Variants in ZBTB21 observed in about 807,000 individuals in gnomAD.
ZBTB21 encodes zinc finger and BTB domain containing 21, also known as zinc finger and BTB domain-containing protein 21.
Under a neutral mutation model 39.8 loss-of-function variants are expected in ZBTB21, and 10 were observed. The observed-to-expected ratio is 0.25, with a 90% CI of 0.16 to 0.43. ZBTB21 has a LOEUF of 0.43. Among genes scored for constraint, ZBTB21 ranks in the 20% least tolerant of loss-of-function variants. The probability of loss-of-function intolerance (pLI) is 1.00; values close to 1 mark genes in which losing one functional copy is unlikely to be tolerated. For missense variants in ZBTB21, 1,221 were observed against 1,296.3 expected (o/e 0.94, Z 0.89); for synonymous variants, 551 against 498.8 (o/e 1.10, Z -1.40).
In ZBTB21 at chr21:41,993,273, G is replaced by A. The variant is rs2065696250; in HGVS notation, c.823C>T (p.Pro275Ser). The A allele has an allele frequency of 6.2e-7, 1 of 1,612,400 alleles. No individual in the cohort carries two copies. Among genetic ancestry groups the A allele is most frequent in the East Asian group, 2.2e-5 (1 of 44,890 alleles). ...GKALELALKR[P>S]RPPVLSVCSS... ...CAAACAGACAAAACAGGTGGCCGTG[G>A]TCTCTTCAAAGCCAGCTCTAGAGCT... The change falls in exon 3 of 3, where the codon CCA becomes TCA. Residue 275 changes from proline to serine, a missense_variant. By Grantham distance (74) the Pro-to-Ser change is moderately conservative. Transcript: ENST00000310826.
Position 41,992,126 on chromosome 21 carries a change from A to C in ZBTB21, c.1970T>G (p.Val657Gly), listed in dbSNP as rs777827111. The C allele has an allele frequency of 6.2e-7, 1 of 1,614,078 alleles. No individual in the cohort carries two copies. Among genetic ancestry groups the C allele is most frequent in the Non-Finnish European group, 8.5e-7 (1 of 1,180,010 alleles). The change falls in exon 3 of 3, where the codon GTC (valine) becomes GGC (glycine). Residue 657 changes from valine to glycine, a missense_variant. Coordinates refer to ENST00000310826, the MANE Select transcript of ZBTB21 (RefSeq NM_001098402.2). This position sits in a 1 kb window ranked among gnomAD's most constrained non-coding sequence, Gnocchi z 4.1. ...TCGAGATCTCAAGTTCCTCTTGATG[A>C]CTTGCTGTGCTTGGGAGCTACTCTG... ...QGQSSSQAQQ[V>G]IKRNLRSRAK...
At chr21:41,996,276 G>C (rs1018052440) in intron 2 of ZBTB21, among the ~76,000 whole-genome samples, 1 of 152,240 alleles carries the variant, frequency 6.6e-6, no homozygotes, top group African/African-American at 2.4e-5. Flanking sequence ...AAGCAGCCAG[G>C]AGTGGGGGCT....
At chr21:41,994,892 A>AGTAAGCCTC (rs2065725605) in intron 2 of ZBTB21, among the ~76,000 whole-genome samples, 1 of 152,210 alleles carries the variant, frequency 6.6e-6, no homozygotes, top group Non-Finnish European at 1.5e-5. Context: ...TTCTCATGAT[A>AGTAAGCCTC]GTAAGCCTCA....
Position 41,998,585 on chromosome 21 carries a change from G to A in ZBTB21, c.-14+4312C>T, listed in dbSNP as rs921775294. On this transcript the variant is annotated intron_variant, in intron 2 of 2. Coordinates refer to ENST00000310826, the MANE Select transcript of ZBTB21 (RefSeq NM_001098402.2). ...TGAATCCCAAGTAACTATCTGTGAC[G>A]GTTTTATCTTTCTCTAGCGGGCAAA... 4.6e-5 allele frequency among the ~76,000 whole-genome samples: 7 copies of A among 152,078 alleles called. No homozygotes were observed. In the South Asian group the frequency reaches 6.2e-4, roughly 14 times the overall value.
At chr21:41,995,650 CTAAG>C (rs1211613000) in intron 2 of ZBTB21, among the ~76,000 whole-genome samples, 1 of 152,210 alleles carries the variant, frequency 6.6e-6, no homozygotes, top group Non-Finnish European at 1.5e-5. Context: ...AGGAATTTGC[CTAAG>C]TAAGGAGGAG....
chr21:42,008,471 G>A (rs2065908909), intron 1 of ZBTB21, among the ~76,000 whole-genome samples: 1 of 148,978 alleles, frequency 6.7e-6, no homozygotes, highest in Admixed American at 6.7e-5. Flanking sequence ...AACCAGGGAG[G>A]CGGAGGTTGC....
rs1165385785 is a variant in ZBTB21, at chr21:41,991,547, G to C, written c.2549C>G (p.Ser850Cys). 3 of 1,614,232 alleles carry C rather than the reference G, an allele frequency of 1.9e-6. No homozygotes were observed. Among genetic ancestry groups the C allele is most frequent in the South Asian group, 1.1e-5 (1 of 91,088 alleles). ...CGAGTCGAAGTTAACTTGTTCTGAA[G>C]AATCACTGAACACGTTGTCGTCTTT... ...TTKDDNVFSD[S>C]SEQVNFDSED... The change falls in exon 3 of 3, where the codon TCT (serine) becomes TGT (cysteine). Residue 850 changes from serine (S) to cysteine (C), a missense_variant. Coordinates refer to ENST00000310826, the MANE Select transcript of ZBTB21 (RefSeq NM_001098402.2). This position sits in a 1 kb window ranked among gnomAD's most constrained non-coding sequence, Gnocchi z 4.9.
intron 2 of ZBTB21, chr21:42,002,383 G>GTC (rs1480266783): frequency 6.6e-6 from 1 of 152,146 alleles, no homozygotes. Context: ...CATCAAGAAT[G>GTC]TAAGTAAAAA....
chr21:42,005,806 CCAAACA>C lies in ZBTB21; in HGVS notation c.-78-2851_-78-2846del, dbSNP rs563736519. 4.3e-3 allele frequency among the ~76,000 whole-genome samples: 650 copies of C among 152,196 alleles called. 6 individuals carry two copies. The highest frequency in any genetic ancestry group is 3.9e-3 in the Non-Finnish European group (263 of 68,008). On this transcript the variant is annotated intron_variant, in intron 1 of 2. Coordinates refer to ENST00000310826, the MANE Select transcript of ZBTB21 (RefSeq NM_001098402.2). ...GATTTATCTGAAATATAGGGGTGCACCAAACAGACAAGACCCCCACTTTCTAGTGAG... is the reference window on the plus strand; with the variant it reads ...GATTTATCTGAAATATAGGGGTGCACGACAAGACCCCCACTTTCTAGTGAG...
At chr21:42,009,797 G>A (rs1457133850) in intron 1 of ZBTB21, among the ~76,000 whole-genome samples, 1 of 151,962 alleles carries the variant, frequency 6.6e-6, no homozygotes, top group African/African-American at 2.4e-5. Flanking sequence ...GCCAGCTTCC[G>A]CGCACACCCC....
rs1025131244 is a variant in ZBTB21, at chr21:41,989,542, G to C, written c.*1353C>G. 1.3e-5 allele frequency: 2 copies of C among 151,880 alleles called. No individual in the cohort carries two copies. The highest frequency in any genetic ancestry group is 4.8e-5 in the African/African-American group (2 of 41,348). 9.4% of individuals were successfully genotyped at this position (151,880 alleles called of 1,614,324 possible). ...CCCACAAGTAAAAGTTTTCCCTTTTGAAACACATTGAACTTTGGATATCCT... is the reference window on the plus strand; with the variant it reads ...CCCACAAGTAAAAGTTTTCCCTTTTCAAACACATTGAACTTTGGATATCCT... On this transcript the variant is annotated 3_prime_UTR_variant, in exon 3 of 3. Transcript: ENST00000310826.
In ZBTB21 at chr21:41,992,059, G is replaced by A; in HGVS notation, c.2037C>T (p.Tyr679=). 1 of 1,614,192 alleles carries A rather than the reference G, an allele frequency of 6.2e-7. No individual in the cohort carries two copies. The highest frequency in any genetic ancestry group is 1.1e-5 in the South Asian group (1 of 91,088). ...GCTGCTTAAATTGAGAGAGAAAGCG[G>A]TACGCTTTTCCGCAGTAAGTACAAA... is the stretch of plus-strand genomic sequence containing the variant. ...AYICTYCGKA[Y]RFLSQFKQHI... The change falls in exon 3 of 3, where the codon TAC becomes TAT. Residue 679 remains tyrosine (Y), a synonymous_variant. Transcript: ENST00000310826. This position sits in a 1 kb window ranked among gnomAD's most constrained non-coding sequence, Gnocchi z 4.1.
chr21:41,993,972 G>A lies in ZBTB21; in HGVS notation c.124C>T (p.Arg42Ter), dbSNP rs889221890. ...GCAGCCAAGACGTTTTTATGAGCTC[G>A]GAACTTTTGGTCTCCAACAATCAGC... ...VLLIVGDQKFRAHKNVLAASS... is the reference protein window; with the variant it reads ...VLLIVGDQKF The change falls in exon 3 of 3, where the codon CGA (arginine) becomes TGA (stop). Residue 42 changes from arginine (R) to a stop codon, truncating the protein, a stop_gained. Coordinates refer to ENST00000310826, the MANE Select transcript of ZBTB21 (RefSeq NM_001098402.2). LOFTEE classifies it low-confidence loss of function (END_TRUNC). 4 of 1,614,166 alleles carry A rather than the reference G, an allele frequency of 2.5e-6. No individual in the cohort carries two copies. The highest frequency in any genetic ancestry group is 1.7e-5 in the Admixed American group (1 of 60,014).
rs531072240 is a variant in ZBTB21, at chr21:41,988,003, C to T, written c.*2892G>A. Reference sequence around the variant, plus strand: ...AAACCAGAAAACCAAGAACATCACACATCTCCCCACAAATGCAAAGAACAT... The same window carrying T: ...AAACCAGAAAACCAAGAACATCACATATCTCCCCACAAATGCAAAGAACAT... On this transcript the variant is annotated 3_prime_UTR_variant, in exon 3 of 3. Transcript: ENST00000310826. 1.3e-5 allele frequency: 2 copies of T among 152,194 alleles called. No homozygotes were observed. Among genetic ancestry groups the T allele is most frequent in the Non-Finnish European group, 2.9e-5 (2 of 68,034 alleles). 9.4% of individuals were successfully genotyped at this position (152,194 alleles called of 1,614,324 possible).
Position 41,987,541 on chromosome 21 carries a change from T to C in ZBTB21, c.*3354A>G, listed in dbSNP as rs1185588576. ...AGCATTATTTAAATCAATAATGCAT[T>C]TCACAATTATTGCAGAAACATCACT... On this transcript the variant is annotated 3_prime_UTR_variant, in exon 3 of 3. Transcript: ENST00000310826. 4 of 152,332 alleles carry C rather than the reference T, an allele frequency of 2.6e-5. No homozygotes were observed. Among genetic ancestry groups the C allele is most frequent in the Non-Finnish European group, 5.9e-5 (4 of 68,024 alleles). 9.4% of individuals were successfully genotyped at this position (152,332 alleles called of 1,614,324 possible). A position where few individuals can be genotyped will look rare whatever the true frequency, so the allele number is the denominator to read the frequency against.
rs780209629 is a variant in ZBTB21, at chr21:41,991,297, A to G, written c.2799T>C (p.Ser933=). The G allele has an allele frequency of 1.2e-6, 2 of 1,612,866 alleles. No individual in the cohort carries two copies. Among genetic ancestry groups the G allele is most frequent in the East Asian group, 2.2e-5 (1 of 44,884 alleles). Residue 933 remains serine (S), a synonymous_variant, in exon 3 of 3, where the codon TCT becomes TCC. Transcript: ENST00000310826. The surrounding 1 kb of genome is among the most constrained non-coding windows in gnomAD (Gnocchi z 4.9). ...ACACGTGACAAATAAATGGTTTCAC[A>G]GAGCACAGAAGCTCCTGGTGACGCT... ...QLERHQELLC[S]VKPFICHVCN...
chr21:41,991,554 T>G lies in ZBTB21; in HGVS notation c.2542A>C (p.Ser848Arg). The change falls in exon 3 of 3, where the codon AGT becomes CGT. Residue 848 changes from serine to arginine, a missense_variant. Ser to Arg is a moderately radical substitution (Grantham distance 110, BLOSUM62 -1). Coordinates refer to ENST00000310826, the MANE Select transcript of ZBTB21 (RefSeq NM_001098402.2). The surrounding 1 kb of genome is among the most constrained non-coding windows in gnomAD (Gnocchi z 4.9). ...AAGTTAACTTGTTCTGAAGAATCAC[T>G]GAACACGTTGTCGTCTTTTGTGGTG... is the stretch of plus-strand genomic sequence containing the variant. ...IVTTKDDNVFSDSSEQVNFDS... is the reference protein window; with the variant it reads ...IVTTKDDNVFRDSSEQVNFDS... 6.2e-7 allele frequency: 1 copy of G among 1,614,264 alleles called. No homozygotes were observed. The highest frequency in any genetic ancestry group is 8.5e-7 in the Non-Finnish European group (1 of 1,180,052).
chr21:41,988,213 G>A lies in ZBTB21; in HGVS notation c.*2682C>T, dbSNP rs2065603918. The A allele has an allele frequency of 1.0e-5, 1 of 99,154 alleles. No homozygotes were observed. The highest frequency in any genetic ancestry group is 2.2e-5 in the Non-Finnish European group (1 of 44,800). The allele number at this position is 99,154 out of a possible 1,614,324, so 6.1% of individuals were successfully genotyped here. On this transcript the variant is annotated 3_prime_UTR_variant, in exon 3 of 3. Transcript: ENST00000310826. Reference sequence around the variant, plus strand: ...TACTCCTTCCTTCTCCCACATAAACGATTCAGTATCAAGTTCTCAGATTAA... The same window carrying A: ...TACTCCTTCCTTCTCCCACATAAACAATTCAGTATCAAGTTCTCAGATTAA...
At chr21:42,005,025 T>C (rs2065862597) in intron 1 of ZBTB21, among the ~76,000 whole-genome samples, 1 of 152,226 alleles carries the variant, frequency 6.6e-6, no homozygotes, top group East Asian at 1.9e-4. Context: ...GTTACTATCT[T>C]GTATTCCATT....
Sources: allele counts gnomAD v4.1 joint callset (sites outside exome capture counted in the v4.1 genomes callset), GRCh38; gene constraint gnomAD v4.1.1; non-coding constraint Gnocchi (gnomAD v3.1); transcripts MANE v1.5; gene names NCBI Gene and HGNC (gene_info 2026-07-23, HGNC 2026-07-21).